SDK1: variants seen among roughly 807,000 people sequenced by gnomAD.
SDK1 encodes protein sidekick-1.
In SDK1, 157 loss-of-function variants were observed where a neutral mutation model predicts 245.5. The ratio of observed to expected loss-of-function variants is 0.64; its 90% confidence interval spans 0.56 to 0.73. The LOEUF (loss-of-function observed/expected upper bound fraction) is 0.73. SDK1 is among the 30% of genes least tolerant of loss of function. The pLI, the probability that SDK1 is intolerant of heterozygous loss-of-function variation, is 0.00. For missense variants in SDK1, 3,583 were observed against 3,002.3 expected (o/e 1.19, Z -4.52); for synonymous variants, 1,647 against 1,278.5 (o/e 1.29, Z -6.15).
chr7:4,052,431 T>C (rs1192225922), intron 19 of SDK1, among the ~76,000 whole-genome samples: 1 of 151,548 alleles, frequency 6.6e-6, no homozygotes, highest in Non-Finnish European at 1.5e-5. Context: ...CTGGAAAAAA[T>C]GTGAAAAGCA....
chr7:4,172,344 C>T (rs951103788), intron 32 of SDK1, among the ~76,000 whole-genome samples: 4 of 152,160 alleles, frequency 2.6e-5, no homozygotes, highest in African/African-American at 7.2e-5. Flanking sequence ...ATGCTGCATG[C>T]GTGAGTGTTG....
chr7:4,064,664 C>T (rs1469212537), intron 19 of SDK1, among the ~76,000 whole-genome samples: 7 of 152,146 alleles, frequency 4.6e-5, no homozygotes, highest in Admixed American at 6.5e-5. Context: ...TCAACCCAAG[C>T]GTCCATCAGT....
chr7:3,878,453 C>A (rs1423113159), intron 5 of SDK1, among the ~76,000 whole-genome samples: 1 of 152,064 alleles, frequency 6.6e-6, no homozygotes, highest in Admixed American at 6.6e-5. Context: ...GGAGGCGGAG[C>A]TTGCAGTGAG....
chr7:4,066,156 G>A (rs7801978), intron 19 of SDK1, among the ~76,000 whole-genome samples: 39,214 of 151,878 alleles, frequency 0.26, 7,683 homozygotes, highest in African/African-American at 0.56. Context: ...CCTTTTCCCC[G>A]GTTCTGCCTT....
At chr7:3,944,731 C>A (rs1163173392) in intron 5 of SDK1, among the ~76,000 whole-genome samples, 1 of 152,136 alleles carries the variant, frequency 6.6e-6, no homozygotes, top group African/African-American at 2.4e-5. Flanking sequence ...AAAACCCACT[C>A]AAAAGCAGTA....
chr7:3,303,229 C>G (rs1225230727), intron 1 of SDK1, among the ~76,000 whole-genome samples: 1 of 152,170 alleles, frequency 6.6e-6, no homozygotes, highest in East Asian at 1.9e-4. Context: ...TTTATTAAGT[C>G]ATTTTGTACA....
intron 32 of SDK1, among the ~76,000 whole-genome samples, chr7:4,163,106 T>G (rs905312631): frequency 2.2e-4 from 34 of 152,290 alleles, no homozygotes; most frequent in African/African-American, 8.2e-4. Context: ...GAGTCAAAGT[T>G]TCTGGCCCAC....
chr7:3,392,076 G>C (rs887759484), intron 1 of SDK1, among the ~76,000 whole-genome samples: 1 of 151,730 alleles, frequency 6.6e-6, no homozygotes, highest in Non-Finnish European at 1.5e-5. Flanking sequence ...ATTCATGATA[G>C]AAAGTATTAG....
chr7:4,227,387 A>G (rs1333945600), intron 40 of SDK1: 4 of 470,992 alleles, frequency 8.5e-6, no homozygotes, highest in Admixed American at 7.1e-5. Flanking sequence ...CATGCAATGC[A>G]TTTTGCCTCC....
At chr7:3,502,193 AT>A (rs1782238100) in intron 1 of SDK1, among the ~76,000 whole-genome samples, 1 of 151,478 alleles carries the variant, frequency 6.6e-6, no homozygotes, top group South Asian at 2.1e-4. Context: ...CATTAGTAAA[AT>A]TTTTCTTTTT....
rs34276127 is a variant in SDK1 at position 3,644,773 on chromosome 7, C to CAAAAAAAAAAAAAAA, written c.713+2673_713+2687dup. ...GGGTGACAGAGCAAGACCCTGTCTC[C>CAAAAAAAAAAAAAAA]AAAAAAAAAAAAAAAAAAACAAAAA... On this transcript the variant is annotated intron_variant, in intron 4 of 44. Transcript: ENST00000404826. 2.2e-4 allele frequency among the ~76,000 whole-genome samples: 9 copies of CAAAAAAAAAAAAAAA among 40,028 alleles called. 1 individual carries two copies. Among genetic ancestry groups the CAAAAAAAAAAAAAAA allele is most frequent in the East Asian group, 6.9e-4 (1 of 1,442 alleles). 26.3% of individuals were successfully genotyped at this position (40,028 alleles called of 152,430 possible).
intron 5 of SDK1, among the ~76,000 whole-genome samples, chr7:3,868,390 T>G (rs1780872724): frequency 1.3e-5 from 2 of 152,298 alleles, no homozygotes; most frequent in Middle Eastern, 6.8e-3. Context: ...ACTGTCTGTG[T>G]GGAGGAACTA....
At chr7:3,604,583 T>G (rs1781358558) in intron 1 of SDK1, among the ~76,000 whole-genome samples, 1 of 148,870 alleles carries the variant, frequency 6.7e-6, no homozygotes, top group Admixed American at 7.0e-5. Context: ...TTCCAGACTT[T>G]TTCTTTTTCT....
In SDK1 at chr7:3,723,797, T is replaced by C. The variant is rs1022241430; in HGVS notation, c.713+81692T>C. 4.4e-4 allele frequency among the ~76,000 whole-genome samples: 62 copies of C among 141,018 alleles called. 1 individual carries two copies. The highest frequency in any genetic ancestry group is 7.9e-4 in the East Asian group (4 of 5,092). The allele number at this position is 141,018 out of a possible 152,430, so 92.5% of individuals were successfully genotyped here. A position where few individuals can be genotyped will look rare whatever the true frequency, so the allele number is the denominator to read the frequency against. On this transcript the variant is annotated intron_variant, in intron 4 of 44. Coordinates refer to ENST00000404826, the MANE Select transcript of SDK1 (RefSeq NM_152744.4). ...ACGTGTATATACACGTACTTATACA[T>C]ATACACGTGTATATACACGTACATA...
intron 28 of SDK1, chr7:4,132,693 A>AGCCTGAGAGATTG (rs1161105663): frequency 3.1e-5 from 11 of 354,070 alleles, no homozygotes; most frequent in Non-Finnish European, 5.4e-6. Flanking sequence ...GCATCACTGC[A>AGCCTGAGAGATTG]CTCCAGCCTG....
Position 3,311,281 on chromosome 7 carries a change from T to G in SDK1, c.298+9397T>G, listed in dbSNP as rs114316491. Among the ~76,000 whole-genome samples, 716 of 152,064 alleles carry G rather than the reference T, an allele frequency of 4.7e-3. 7 individuals carry two copies. The highest frequency in any genetic ancestry group is 0.017 in the African/African-American group (687 of 41,446). Reference sequence around the variant, plus strand: ...TGCAGTAGTATTGGGATGGAAAAAATGGAATGGTCAGTCTTGCTTAGAGAG... The same window carrying G: ...TGCAGTAGTATTGGGATGGAAAAAAGGGAATGGTCAGTCTTGCTTAGAGAG... On this transcript the variant is annotated intron_variant, in intron 1 of 44. Coordinates refer to ENST00000404826, the MANE Select transcript of SDK1 (RefSeq NM_152744.4).
At chr7:3,618,198 T>C (rs983487372) in intron 1 of SDK1, among the ~76,000 whole-genome samples, 1 of 152,198 alleles carries the variant, frequency 6.6e-6, no homozygotes, top group African/African-American at 2.4e-5. Context: ...ACAAATCATA[T>C]CTAGTATTCT....
At chr7:3,441,389 AC>A (rs1780192037) in intron 1 of SDK1, among the ~76,000 whole-genome samples, 1 of 151,954 alleles carries the variant, frequency 6.6e-6, no homozygotes, top group Admixed American at 6.6e-5. Flanking sequence ...TCTCAAAAAA[AC>A]AAAAAACAAA....
chr7:3,934,561 A>G (rs937886664), intron 5 of SDK1, among the ~76,000 whole-genome samples: 2 of 152,224 alleles, frequency 1.3e-5, no homozygotes, highest in Admixed American at 6.5e-5. Context: ...GTCTATTTGG[A>G]AAGTGTAAAG....
Sources: gnomAD v4.1 joint callset for allele counts (sites outside exome capture counted in the v4.1 genomes callset) on GRCh38, gnomAD v4.1.1 for gene constraint, MANE v1.5 for transcripts, NCBI Gene and HGNC (gene_info 2026-07-23, HGNC 2026-07-21) for gene names.